Variants in TXLNB observed in about 807,000 individuals in gnomAD.
TXLNB encodes beta-taxilin.
In TXLNB, 37 loss-of-function variants were observed where a neutral mutation model predicts 57.4. The ratio of observed to expected loss-of-function variants is 0.64; its 90% CI spans 0.50 to 0.85. The LOEUF is 0.85. TXLNB is among the 40% of genes least tolerant of loss of function. The pLI, the probability that TXLNB is intolerant of heterozygous loss-of-function variation, is 0.00. For missense variants in TXLNB, 848 were observed against 825.6 expected (o/e 1.03, Z -0.33); for synonymous variants, 302 against 309.6 (o/e 0.98, Z 0.26).
intron 6 of TXLNB, among the ~76,000 whole-genome samples, chr6:139,256,892 C>T (rs1335967020): frequency 1.3e-5 from 2 of 152,182 alleles, no homozygotes; most frequent in African/African-American, 4.8e-5. Flanking sequence ...TATCGGTGGC[C>T]TGTGGATTAC....
Position 139,240,532 on chromosome 6 carries a change from T to C in TXLNB, c.*1994A>G, listed in dbSNP as rs1369641781. 1 of 152,686 alleles carries C rather than the reference T, an allele frequency of 6.5e-6. No individual in the cohort carries two copies. Among genetic ancestry groups the C allele is most frequent in the Non-Finnish European group, 1.5e-5 (1 of 68,050 alleles). The allele number at this position is 152,686 out of a possible 1,614,324, so 9.5% of individuals were successfully genotyped here. A position where few individuals can be genotyped will look rare whatever the true frequency, so the allele number is the denominator to read the frequency against. ...ACTATGACTAATCTTACTCCATTCT[T>C]GGACGTTCTGCCTCTGCAGTGGGGA... is the stretch of plus-strand genomic sequence containing the variant. On this transcript the variant is annotated 3_prime_UTR_variant, in exon 10 of 10. Transcript: ENST00000358430.
the TXLNB span, among the ~76,000 whole-genome samples, chr6:139,168,381 C>T: frequency 6.7e-6 from 1 of 149,324 alleles, no homozygotes; most frequent in African/African-American, 2.5e-5. Context: ...GTCTAGGACT[C>T]CTTTTGTTTT....
At chr6:139,193,987 G>T in the TXLNB span, among the ~76,000 whole-genome samples, 1 of 150,384 alleles carries the variant, frequency 6.6e-6, no homozygotes, top group African/African-American at 2.4e-5. Context: ...GACTACAGGC[G>T]CCCGCCACCA....
In TXLNB at chr6:139,243,283, A is replaced by C; in HGVS notation, c.1298T>G (p.Phe433Cys). 6.2e-7 allele frequency: 1 copy of C among 1,612,120 alleles called. No individual in the cohort carries two copies. Among genetic ancestry groups the C allele is most frequent in the Non-Finnish European group, 8.5e-7 (1 of 1,179,938 alleles). The change falls in exon 10 of 10, where the codon TTT becomes TGT. Residue 433 changes from phenylalanine (F) to cysteine (C), a missense_variant. Physicochemically the swap from Phe to Cys is radical, Grantham distance 205 (BLOSUM62 -2). Transcript: ENST00000358430. ...KALRAKEYECFVMKIGRLENL... is the reference protein window; with the variant it reads ...KALRAKEYECCVMKIGRLENL... Reference sequence around the variant, plus strand: ...CTCTAGCCTCCCGATTTTCATCACAAAGCACTCATATTCTTTAGCTCTCAG... The same window carrying C: ...CTCTAGCCTCCCGATTTTCATCACACAGCACTCATATTCTTTAGCTCTCAG...
At chr6:139,201,217 G>A in the TXLNB span, among the ~76,000 whole-genome samples, 1 of 152,148 alleles carries the variant, frequency 6.6e-6, no homozygotes, top group Non-Finnish European at 1.5e-5. Context: ...CCAATTTCCT[G>A]TGAAGTGAAA....
At chr6:139,160,802 G>A in the TXLNB span, among the ~76,000 whole-genome samples, 2 of 152,206 alleles carry the variant, frequency 1.3e-5, no homozygotes, top group African/African-American at 4.8e-5. Flanking sequence ...TTTATCTGGG[G>A]AGTGAAATAC....
intron 3 of TXLNB, among the ~76,000 whole-genome samples, chr6:139,274,728 T>C (rs1470099312): frequency 7.2e-5 from 11 of 152,110 alleles, no homozygotes; most frequent in Admixed American, 7.2e-4. Flanking sequence ...CGTGGGAATG[T>C]AACACCACAC....
chr6:139,200,000 T>C, the TXLNB span: 1 of 152,218 alleles, frequency 6.6e-6, no homozygotes, highest in African/African-American at 2.4e-5. Flanking sequence ...AATCTATCAA[T>C]GTCTTTGCTC....
At chr6:139,199,162 C>T in the TXLNB span, among the ~76,000 whole-genome samples, 1 of 152,046 alleles carries the variant, frequency 6.6e-6, no homozygotes, top group East Asian at 1.9e-4. Context: ...ATTCACACTC[C>T]GTTCAGCAAA....
chr6:139,295,135 CAT>C (rs139797116), upstream of TXLNB, among the ~76,000 whole-genome samples: 3,006 of 152,262 alleles, frequency 0.02, 105 homozygotes, highest in East Asian at 0.065. Context: ...TAGATACACA[CAT>C]GATAGTGGAG....
chr6:139,168,064 C>T, the TXLNB span, among the ~76,000 whole-genome samples: 1 of 152,080 alleles, frequency 6.6e-6, no homozygotes, highest in Non-Finnish European at 1.5e-5. Context: ...ATGATATATC[C>T]CCACCTGTCT....
At chr6:139,303,038 C>G in the TXLNB span, among the ~76,000 whole-genome samples, 1 of 152,044 alleles carries the variant, frequency 6.6e-6, no homozygotes, top group Non-Finnish European at 1.5e-5. Flanking sequence ...AAGTGGTTTT[C>G]AAAAGTTTTG....
At chr6:139,310,200 T>C in the TXLNB span, among the ~76,000 whole-genome samples, 1 of 152,186 alleles carries the variant, frequency 6.6e-6, no homozygotes, top group Admixed American at 6.5e-5. Context: ...ACCTACAGAC[T>C]GGGAAAAAAT....
the TXLNB span, among the ~76,000 whole-genome samples, chr6:139,169,266 A>T: frequency 2.6e-5 from 4 of 151,774 alleles, no homozygotes; most frequent in Admixed American, 2.6e-4. Flanking sequence ...CCTTTATTTT[A>T]TATATAATAA....
chr6:139,313,955 G>T, the TXLNB span, among the ~76,000 whole-genome samples: 8 of 152,036 alleles, frequency 5.3e-5, no homozygotes, highest in East Asian at 1.9e-4. Flanking sequence ...AGGCACAGCC[G>T]ACCAGCATTA....
At chr6:139,233,989 C>T in the TXLNB span, among the ~76,000 whole-genome samples, 2 of 152,066 alleles carry the variant, frequency 1.3e-5, no homozygotes, top group African/African-American at 2.4e-5. Context: ...GCTGAGGTGA[C>T]CTCAGATGGT....
chr6:139,314,539 G>T, the TXLNB span, among the ~76,000 whole-genome samples: 1 of 151,992 alleles, frequency 6.6e-6, no homozygotes, highest in African/African-American at 2.4e-5. Flanking sequence ...TCCCTACATC[G>T]CATAAAACCA....
chr6:139,305,527 A>T, the TXLNB span, among the ~76,000 whole-genome samples: 1 of 152,184 alleles, frequency 6.6e-6, no homozygotes, highest in African/African-American at 2.4e-5. Flanking sequence ...CTCATTTATA[A>T]AAAACAGTTC....
At chr6:139,303,938 G>T in the TXLNB span, among the ~76,000 whole-genome samples, 1 of 150,368 alleles carries the variant, frequency 6.7e-6, no homozygotes, top group Non-Finnish European at 1.5e-5. Context: ...CCAGAAATGT[G>T]CAAGATAGCT....
Sources: allele counts gnomAD v4.1 joint callset (sites outside exome capture counted in the v4.1 genomes callset), GRCh38; gene constraint gnomAD v4.1.1; transcripts MANE v1.5; gene names NCBI Gene and HGNC (gene_info 2026-07-23, HGNC 2026-07-21).